The following TSPAN9 variants were observed in gnomAD, a reference collection of about 807,000 sequenced individuals.
TSPAN9 encodes the protein tetraspanin 9, also known as tetraspanin-9.
A neutral mutation model predicts 31.0 loss-of-function variants in TSPAN9; 16 were observed. The ratio of observed to expected loss-of-function variants is 0.52; its 90% CI spans 0.35 to 0.78. TSPAN9 has a LOEUF of 0.78. Among genes scored for constraint, TSPAN9 ranks in the 30% least tolerant of loss-of-function variants. TSPAN9 has a pLI of 0.01. For synonymous variants in TSPAN9, 145 were observed against 121.6 expected (o/e 1.19, Z -1.27); for missense variants, 272 against 312.5 (o/e 0.87, Z 0.98).
chr12:3,166,058 G>A (rs114925650), intron 2 of TSPAN9, among the ~76,000 whole-genome samples: 4,414 of 152,206 alleles, frequency 0.029, 207 homozygotes, highest in African/African-American at 0.1. Context: ...CTCTCTAAAC[G>A]CTCTCATTTG....
chr12:3,161,936 C>T (rs1422664806), intron 2 of TSPAN9, among the ~76,000 whole-genome samples: 2 of 152,152 alleles, frequency 1.3e-5, no homozygotes, highest in African/African-American at 4.8e-5. Context: ...CCGCTTCAGC[C>T]TTCCGAAGTG....
At chr12:3,122,382 A>G (rs529617293) in intron 2 of TSPAN9, among the ~76,000 whole-genome samples, 2 of 151,908 alleles carry the variant, frequency 1.3e-5, no homozygotes, top group South Asian at 4.2e-4. Context: ...TAGCACAATC[A>G]TAGCTCACTG....
chr12:3,127,517 G>A (rs745965692), intron 2 of TSPAN9, among the ~76,000 whole-genome samples: 10 of 151,840 alleles, frequency 6.6e-5, no homozygotes, highest in Admixed American at 5.9e-4. Flanking sequence ...CACGATGCCC[G>A]GCTAATTTTT....
At chr12:3,079,043 G>T (rs903538021) in intron 1 of TSPAN9, among the ~76,000 whole-genome samples, 41 of 150,378 alleles carry the variant, frequency 2.7e-4, no homozygotes, top group Non-Finnish European at 3.0e-5. Flanking sequence ...GCAGTGGCAG[G>T]ATCTCAGCTC....
chr12:3,255,746 A>T (rs2153978548), intron 3 of TSPAN9, among the ~76,000 whole-genome samples: 1 of 152,340 alleles, frequency 6.6e-6, no homozygotes, highest in Admixed American at 6.5e-5. Context: ...TTTCAAACAG[A>T]CATGCTCTAG....
At chr12:3,278,008 T>C (rs1323964052) in intron 3 of TSPAN9, among the ~76,000 whole-genome samples, 2 of 152,222 alleles carry the variant, frequency 1.3e-5, no homozygotes, top group Non-Finnish European at 2.9e-5. Context: ...TTCTTGCTTT[T>C]CCTGACCCCA....
At chr12:3,206,437 G>A (rs2098375216) in intron 3 of TSPAN9, 1 of 444,700 alleles carries the variant, frequency 2.2e-6, no homozygotes, top group Non-Finnish European at 4.6e-6. Context: ...ATTCTAGGGT[G>A]AGGCAGCAGC....
chr12:3,145,143 G>A (rs1364647955), intron 2 of TSPAN9, among the ~76,000 whole-genome samples: 2 of 152,150 alleles, frequency 1.3e-5, no homozygotes, highest in East Asian at 1.9e-4. Context: ...AGCAGCCCTC[G>A]GCGTCCTCTG....
At chr12:3,195,589 T>C (rs954718832) in intron 2 of TSPAN9, among the ~76,000 whole-genome samples, 21 of 152,260 alleles carry the variant, frequency 1.4e-4, no homozygotes, top group African/African-American at 5.1e-4. Context: ...TTCTATCTGA[T>C]TGTTCCATCT....
chr12:3,079,552 A>G (rs957154343), intron 1 of TSPAN9, among the ~76,000 whole-genome samples: 1 of 151,640 alleles, frequency 6.6e-6, no homozygotes, highest in Admixed American at 6.6e-5. Flanking sequence ...ACCTCTGCCT[A>G]CTGGGTTCAA....
chr12:3,274,823 C>A (rs73048943), intron 3 of TSPAN9, among the ~76,000 whole-genome samples: 6,395 of 152,354 alleles, frequency 0.042, 181 homozygotes, highest in Non-Finnish European at 0.063. Context: ...CGCTGTACTG[C>A]ACAGGCCTCC....
rs568171368 is a variant in TSPAN9, at chr12:3,086,722, G to A, written c.-18+3003G>A. Among the ~76,000 whole-genome samples, 11 of 152,336 alleles carry A rather than the reference G, an allele frequency of 7.2e-5. No homozygotes were observed. In the East Asian group the frequency reaches 1.7e-3, roughly 24 times the overall value. ...CTTGGCCTTGGCCTTAGTAGCTTAG[G>A]ATTGCTGCTAACTCTCACAGCACGT... On this transcript the variant is annotated intron_variant, in intron 2 of 8. Coordinates refer to ENST00000011898, the MANE Select transcript of TSPAN9 (RefSeq NM_006675.5).
chr12:3,238,946 C>A (rs1417002019), intron 3 of TSPAN9, among the ~76,000 whole-genome samples: 1 of 152,124 alleles, frequency 6.6e-6, no homozygotes, highest in African/African-American at 2.4e-5. Flanking sequence ...ACATGCAGGC[C>A]CTCCCAAAGG....
intron 2 of TSPAN9, among the ~76,000 whole-genome samples, chr12:3,133,693 G>T (rs1003706354): frequency 6.6e-6 from 1 of 152,212 alleles, no homozygotes; most frequent in Non-Finnish European, 1.5e-5. Context: ...TCCCCAGGTG[G>T]CTCTGCTCAA....
intron 2 of TSPAN9, among the ~76,000 whole-genome samples, chr12:3,183,474 T>C (rs1050291395): frequency 2.0e-5 from 3 of 152,094 alleles, no homozygotes; most frequent in African/African-American, 7.2e-5. Context: ...AGGCTCTAGT[T>C]TGGGGAGAGT....
chr12:3,245,599 C>T (rs776068092), intron 3 of TSPAN9, among the ~76,000 whole-genome samples: 4 of 152,176 alleles, frequency 2.6e-5, no homozygotes, highest in Non-Finnish European at 4.4e-5. Flanking sequence ...CCCGTGTCCT[C>T]TCTGCCTGGC....
rs1227763408 is a variant in TSPAN9 at position 3,172,447 on chromosome 12, C to T, written c.-17-28730C>T. On this transcript the variant is annotated intron_variant, in intron 2 of 8. Coordinates refer to ENST00000011898, the MANE Select transcript of TSPAN9 (RefSeq NM_006675.5). This position sits in a 1 kb window ranked among gnomAD's most constrained non-coding sequence, Gnocchi z 4.8. Reference sequence around the variant, plus strand: ...TCTCTAAAACGAGAGAGATTAATAACTGGTGGTTCTTAGTCTGGCGCGAGC... The same window carrying T: ...TCTCTAAAACGAGAGAGATTAATAATTGGTGGTTCTTAGTCTGGCGCGAGC... 1.3e-5 allele frequency: 2 copies of T among 152,286 alleles called. No individual in the cohort carries two copies. Among genetic ancestry groups the T allele is most frequent in the African/African-American group, 2.4e-5 (1 of 41,472 alleles). The allele number at this position is 152,286 out of a possible 1,614,324, so 9.4% of individuals were successfully genotyped here. A position where few individuals can be genotyped will look rare whatever the true frequency, so the allele number is the denominator to read the frequency against.
chr12:3,182,180 GAGC>G (rs1212350982), intron 2 of TSPAN9, among the ~76,000 whole-genome samples: 1 of 152,126 alleles, frequency 6.6e-6, no homozygotes, highest in Non-Finnish European at 1.5e-5. Context: ...GGCTGGGAGG[GAGC>G]AGATCAGGGA....
chr12:3,266,171 G>T (rs1157416765), intron 3 of TSPAN9, among the ~76,000 whole-genome samples: 1 of 152,164 alleles, frequency 6.6e-6, no homozygotes, highest in Non-Finnish European at 1.5e-5. Context: ...GTGTCTGGGT[G>T]ACACTCTTTC....
Sources: gnomAD v4.1 joint callset for allele counts (sites outside exome capture counted in the v4.1 genomes callset) on GRCh38, gnomAD v4.1.1 for gene constraint, Gnocchi (gnomAD v3.1) non-coding constraint, MANE v1.5 for transcripts, NCBI Gene and HGNC (gene_info 2026-07-23, HGNC 2026-07-21) for gene names.